Variants in ZNF226 observed in about 807,000 individuals in gnomAD.
The protein encoded by ZNF226 is zinc finger protein 226.
In ZNF226, 6 loss-of-function variants were observed where a neutral mutation model predicts 11.4. The ratio of observed to expected loss-of-function variants is 0.53; its 90% CI spans 0.29 to 1.04. ZNF226 has a LOEUF of 1.04. Ranked by LOEUF, ZNF226 falls within the 50% of genes least tolerant of loss-of-function variation. ZNF226 has a pLI of 0.08. For synonymous variants in ZNF226, 350 were observed against 322.8 expected, an observed-to-expected ratio of 1.08 and a Z score of -0.90; for missense variants, 1,058 against 956.5, an observed-to-expected ratio of 1.11 and a Z score of -1.40.
At chr19:44,173,586 C>T (rs1970367449) in intron 5 of ZNF226, 1 of 152,360 alleles carries the variant, frequency 6.6e-6, no homozygotes, top group Non-Finnish European at 1.5e-5. Context: ...ACGGTGAAAC[C>T]CTGTCTCTAC....
At chr19:44,167,277 T>G (rs186950463) in intron 2 of ZNF226, among the ~76,000 whole-genome samples, 106 of 152,162 alleles carry the variant, frequency 7.0e-4, no homozygotes, top group Admixed American at 2.0e-3. Context: ...CTCGTCATCG[T>G]TATTATTCTG....
chr19:44,172,019 T>A, intron 3 of ZNF226, 69 bp from the exon 4 acceptor site: 1 of 1,578,846 alleles, frequency 6.3e-7, no homozygotes. Context: ...ACTTTCCACC[T>A]GTTCTCAGTG....
intron 4 of ZNF226, 147 bp downstream of exon 4, chr19:44,172,361 C>G (rs774815239): frequency 9.2e-7 from 1 of 1,092,686 alleles, no homozygotes; most frequent in Non-Finnish European, 1.3e-6. Context: ...TCTTTCTGAA[C>G]AGAATATTTT....
chr19:44,192,883 T>C, the ZNF226 span, among the ~76,000 whole-genome samples: 24 of 152,170 alleles, frequency 1.6e-4, no homozygotes. Context: ...TGGATTCTGG[T>C]TTTGTATCAC....
In ZNF226 at chr19:44,177,453, G is replaced by T. The variant is rs775148941; in HGVS notation, c.2191G>T (p.Val731Leu). The change falls in exon 6 of 6, where the codon GTG (valine) becomes TTG (leucine). Residue 731 changes from valine to leucine, a missense_variant. Transcript: ENST00000337433. The stretch of plus-strand genomic sequence containing the variant: ...AGGAGAGAAACCATACAAATGTGAT[G>T]TGTGTGGTAAAGTCTTCAGTCGGTC... ...HTGEKPYKCD[V>L]CGKVFSRSSQ... The T allele has an allele frequency of 3.7e-6, 6 of 1,614,058 alleles. No individual in the cohort carries two copies. Among genetic ancestry groups the T allele is most frequent in the Non-Finnish European group, 5.1e-6 (6 of 1,180,036 alleles).
intron 5 of ZNF226, 113 bp downstream of exon 5, chr19:44,173,065 T>C: frequency 1.0e-6 from 1 of 961,328 alleles, no homozygotes; most frequent in South Asian, 1.5e-5. Flanking sequence ...CCTGGATTAT[T>C]GCAACACCCT....
At chr19:44,175,163 T>C in intron 5 of ZNF226, 1 of 1,483,462 alleles carries the variant, frequency 6.7e-7, no homozygotes, top group Non-Finnish European at 8.9e-7. Flanking sequence ...TGGGCTGTGG[T>C]TGTAAACTGT....
the ZNF226 span, among the ~76,000 whole-genome samples, chr19:44,187,768 A>G: frequency 3.3e-5 from 5 of 152,154 alleles, no homozygotes; most frequent in East Asian, 9.7e-4. This position sits in a 1 kb window ranked among gnomAD's most constrained non-coding sequence, Gnocchi z 4.0. Context: ...TTACCAATAT[A>G]AATGTCCCTA....
At chr19:44,174,952 A>G in intron 5 of ZNF226, 1 of 1,602,560 alleles carries the variant, frequency 6.2e-7, no homozygotes, top group Non-Finnish European at 8.5e-7. Context: ...TTTGCAGCAA[A>G]ACTGTACTTT....
intron 3 of ZNF226, among the ~76,000 whole-genome samples, chr19:44,170,323 A>G (rs935958844): frequency 7.2e-5 from 11 of 152,242 alleles, no homozygotes; most frequent in African/African-American, 2.4e-4. Flanking sequence ...ATGGGTGGGC[A>G]CAGTGGCTCA....
At chr19:44,182,348 C>T (rs953677422), downstream of ZNF226, among the ~76,000 whole-genome samples, 3 of 143,698 alleles carry the variant, frequency 2.1e-5, no homozygotes, top group Admixed American at 6.8e-5. Context: ...TGCGCGCGCG[C>T]GCGTGCATAC....
At chr19:44,196,522 C>T in the ZNF226 span, among the ~76,000 whole-genome samples, 21,269 of 152,156 alleles carry the variant, frequency 0.14, 3,781 homozygotes, top group African/African-American at 0.41. Context: ...AATTTGATTA[C>T]ACCGGACCAC....
the ZNF226 span, among the ~76,000 whole-genome samples, chr19:44,190,128 C>G: frequency 7.2e-3 from 1,089 of 152,184 alleles, 10 homozygotes; most frequent in African/African-American, 0.025. Flanking sequence ...ATAATTTTGT[C>G]TCTATATAGT....
chr19:44,182,923 C>G (rs1256315792), downstream of ZNF226, among the ~76,000 whole-genome samples: 1 of 152,094 alleles, frequency 6.6e-6, no homozygotes, highest in Non-Finnish European at 1.5e-5. Flanking sequence ...GACTCTGGGT[C>G]TGGTAAATCA....
chr19:44,182,852 C>T (rs1400076855), downstream of ZNF226, among the ~76,000 whole-genome samples: 1 of 152,084 alleles, frequency 6.6e-6, no homozygotes, highest in Non-Finnish European at 1.5e-5. Flanking sequence ...ATTGTGGTGT[C>T]CCTCTGGCTG....
chr19:44,172,687 C>T (rs1208295362), intron 4 of ZNF226, 173 bp from the exon 5 acceptor site: 2 of 599,424 alleles, frequency 3.3e-6, no homozygotes, highest in African/African-American at 1.9e-5. Context: ...TGTATTTACG[C>T]ATGTGTGTCT....
At chr19:44,195,205 G>A in the ZNF226 span, among the ~76,000 whole-genome samples, 7 of 152,302 alleles carry the variant, frequency 4.6e-5, no homozygotes, top group East Asian at 7.7e-4. Context: ...CTTAATTTAA[G>A]GTGGCCTTAT....
At chr19:44,196,027 G>A in the ZNF226 span, among the ~76,000 whole-genome samples, 2 of 148,480 alleles carry the variant, frequency 1.3e-5, no homozygotes, top group African/African-American at 5.2e-5. Flanking sequence ...TTTGAGTAGT[G>A]TACTTCATAG....
At chr19:44,166,672 C>T (rs10404927) in intron 2 of ZNF226, 1 of 152,006 alleles carries the variant, frequency 6.6e-6, no homozygotes, top group Non-Finnish European at 1.5e-5. Context: ...GCCTTTCTGT[C>T]AAGTTTTTCT....
Sources: allele counts gnomAD v4.1 joint callset (sites outside exome capture counted in the v4.1 genomes callset), GRCh38; gene constraint gnomAD v4.1.1; non-coding constraint Gnocchi (gnomAD v3.1); transcripts MANE v1.5; gene names NCBI Gene and HGNC (gene_info 2026-07-23, HGNC 2026-07-21).